PRKG1: variants seen among roughly 807,000 people sequenced by gnomAD.
PRKG1 encodes the protein cGMP-dependent protein kinase 1.
In PRKG1, 35 loss-of-function variants were observed where a neutral mutation model predicts 88.1. The observed-to-expected ratio is 0.40, with a 90% CI of 0.30 to 0.53. PRKG1 has a LOEUF of 0.53. PRKG1 is among the 20% of genes least tolerant of loss of function. The pLI is 0.59. For synonymous variants in PRKG1, 303 were observed against 292.5 expected (o/e 1.04, Z -0.37); for missense variants, 540 against 839.8 (o/e 0.64, Z 4.41).
intron 3 of PRKG1, among the ~76,000 whole-genome samples, chr10:51,672,037 ACTAT>A (rs1333231331): frequency 8.8e-6 from 1 of 113,284 alleles, no homozygotes; most frequent in Non-Finnish European, 2.0e-5. Context: ...CTTTTTGTAA[ACTAT>A]CTATTTATCT....
intron 2 of PRKG1, among the ~76,000 whole-genome samples, chr10:51,279,664 T>G (rs564135062): frequency 6.6e-6 from 1 of 152,366 alleles, no homozygotes; most frequent in East Asian, 1.9e-4. Flanking sequence ...TCTTTGTTGG[T>G]TTACAGTCTG....
chr10:51,502,625 A>T (rs773109869), intron 3 of PRKG1, among the ~76,000 whole-genome samples: 6 of 152,154 alleles, frequency 3.9e-5, no homozygotes, highest in Non-Finnish European at 8.8e-5. Flanking sequence ...AAGCACTCTG[A>T]GCTTTAATTC....
chr10:51,887,362 G>C (rs10762469), intron 4 of PRKG1, among the ~76,000 whole-genome samples: 2 of 151,732 alleles, frequency 1.3e-5, no homozygotes, highest in Non-Finnish European at 2.9e-5. Flanking sequence ...TAGTCAATAA[G>C]GCTGCAGTGA....
intron 1 of PRKG1, among the ~76,000 whole-genome samples, chr10:51,101,077 T>G (rs1844669235): frequency 6.6e-6 from 1 of 152,152 alleles, no homozygotes; most frequent in Non-Finnish European, 1.5e-5. Flanking sequence ...TTCCTGTTAC[T>G]GAATATTTGT....
chr10:51,986,240 AAGAAAAGAAAG>A (rs1346163943), intron 5 of PRKG1, among the ~76,000 whole-genome samples: 2 of 152,220 alleles, frequency 1.3e-5, no homozygotes, highest in Non-Finnish European at 2.9e-5. Flanking sequence ...CTGTACAATG[AAGAAAAGAAAG>A]TTTCTGAAAC....
At chr10:51,016,613 A>G (rs1843064058) in intron 1 of PRKG1, among the ~76,000 whole-genome samples, 1 of 145,944 alleles carries the variant, frequency 6.9e-6, no homozygotes, top group Admixed American at 6.9e-5. Flanking sequence ...ATGCAGTTTT[A>G]TATTATTTCA....
At chr10:51,914,093 G>A (rs902562323) in intron 5 of PRKG1, among the ~76,000 whole-genome samples, 1 of 150,916 alleles carries the variant, frequency 6.6e-6, no homozygotes, top group Non-Finnish European at 1.5e-5. Context: ...TGTATACTAA[G>A]ATAAGTCTCT....
chr10:51,850,575 T>G (rs537408325), intron 4 of PRKG1, among the ~76,000 whole-genome samples: 1 of 151,920 alleles, frequency 6.6e-6, no homozygotes, highest in Non-Finnish European at 1.5e-5. Context: ...AATAATAAAC[T>G]GAGGGAAAAC....
intron 3 of PRKG1, among the ~76,000 whole-genome samples, chr10:51,787,847 G>A (rs1838766718): frequency 6.6e-6 from 1 of 152,114 alleles, no homozygotes; most frequent in Admixed American, 6.6e-5. Flanking sequence ...GAATAACTCA[G>A]TTTTGAGGCT....
Position 52,162,286 on chromosome 10 carries a change from T to G in PRKG1, c.1076+323T>G, listed in dbSNP as rs538862986. Among the ~76,000 whole-genome samples, 18 of 152,280 alleles carry G rather than the reference T, an allele frequency of 1.2e-4. No individual in the cohort carries two copies. The South Asian group carries it at 3.7e-3, about 32-fold the overall frequency. On this transcript the variant is annotated intron_variant, in intron 9 of 17. Transcript: ENST00000373980. ...ATACTTTCTGAACAAATGGTGGTTG[T>G]GTTCCATAGTTGCTTGTGGAATTGT... is the stretch of plus-strand genomic sequence containing the variant.
Position 51,697,545 on chromosome 10 carries a change from CAGAAAGAAAGAAAAAGAACAAAAAATA to C in PRKG1, c.593-107036_593-107010del, listed in dbSNP as rs1564611221. Reference sequence around the variant, plus strand: ...CCCTCAATTAAAAAAAAAAGGAAAACAGAAAGAAAGAAAAAGAACAAAAAATAAGATTAGGTTCTAGGAGGAGGGAAA... The same window carrying C: ...CCCTCAATTAAAAAAAAAAGGAAAACAGATTAGGTTCTAGGAGGAGGGAAA... On this transcript the variant is annotated intron_variant, in intron 3 of 17. Coordinates refer to ENST00000373980, the MANE Select transcript of PRKG1 (RefSeq NM_006258.4). 142 of 760,144 alleles carry C rather than the reference CAGAAAGAAAGAAAAAGAACAAAAAATA, an allele frequency of 1.9e-4. 1 individual carries two copies. The African/African-American group carries it at 2.4e-3, about 13-fold the overall frequency. 47.1% of individuals were successfully genotyped at this position (760,144 alleles called of 1,614,324 possible).
At chr10:51,037,280 G>A (rs1293369102) in intron 1 of PRKG1, among the ~76,000 whole-genome samples, 2 of 149,712 alleles carry the variant, frequency 1.3e-5, no homozygotes, top group Non-Finnish European at 3.0e-5. Flanking sequence ...AGACCTCCCC[G>A]CCAACCCCCA....
At chr10:51,498,114 G>T (rs1321466927) in intron 3 of PRKG1, among the ~76,000 whole-genome samples, 1 of 152,094 alleles carries the variant, frequency 6.6e-6, no homozygotes, top group African/African-American at 2.4e-5. Flanking sequence ...CAAATATTTG[G>T]AGAACCTATT....
chr10:52,020,816 C>T (rs985917036), intron 5 of PRKG1, among the ~76,000 whole-genome samples: 1 of 152,096 alleles, frequency 6.6e-6, no homozygotes, highest in Non-Finnish European at 1.5e-5. Flanking sequence ...TCTTACTGCA[C>T]GTGCCCCGGC....
intron 2 of PRKG1, among the ~76,000 whole-genome samples, chr10:51,351,444 C>T (rs1006593614): frequency 2.6e-5 from 4 of 152,114 alleles, no homozygotes; most frequent in African/African-American, 7.2e-5. Context: ...TTAATGATCG[C>T]CATTCTAACT....
chr10:51,959,500 G>C (rs1266918077), intron 5 of PRKG1, among the ~76,000 whole-genome samples: 2 of 152,246 alleles, frequency 1.3e-5, no homozygotes, highest in Non-Finnish European at 1.5e-5. Context: ...GCATTGCTTA[G>C]AGTCTTGTAT....
chr10:51,188,664 T>C (rs544434611), intron 2 of PRKG1, among the ~76,000 whole-genome samples: 17 of 152,062 alleles, frequency 1.1e-4, no homozygotes, highest in African/African-American at 4.1e-4. Flanking sequence ...GGGAGCCTGG[T>C]GTTCCTGGTT....
At chr10:51,424,334 T>G (rs534122917) in intron 2 of PRKG1, among the ~76,000 whole-genome samples, 9 of 152,218 alleles carry the variant, frequency 5.9e-5, no homozygotes, top group Non-Finnish European at 1.2e-4. Flanking sequence ...TTTTATCTTA[T>G]GAATTACAGA....
chr10:51,365,112 G>A (rs1588884232), intron 2 of PRKG1, among the ~76,000 whole-genome samples: 1 of 151,710 alleles, frequency 6.6e-6, no homozygotes, highest in South Asian at 2.1e-4. Flanking sequence ...CTTATCTGTC[G>A]GGTGACAGAA....
Sources: gnomAD v4.1 joint callset for allele counts (sites outside exome capture counted in the v4.1 genomes callset) on GRCh38, gnomAD v4.1.1 for gene constraint, MANE v1.5 for transcripts, NCBI Gene and HGNC (gene_info 2026-07-23, HGNC 2026-07-21) for gene names.